Variants in ZNF544 observed in about 807,000 individuals in gnomAD.
ZNF544 encodes the protein zinc finger protein AF020591.
ZNF544 carries 10 observed loss-of-function variants against 13.5 expected under a neutral mutation model. The observed-to-expected ratio is 0.74, with a 90% confidence interval of 0.46 to 1.25. The LOEUF is 1.25. Among genes scored for constraint, ZNF544 ranks in the 50% most tolerant of loss-of-function variants. The probability of loss-of-function intolerance (pLI) is 0.00; values close to 1 mark genes in which losing one functional copy is unlikely to be tolerated. For synonymous variants in ZNF544, 323 were observed against 300.5 expected (o/e 1.07, Z -0.77); for missense variants, 896 against 845.6 (o/e 1.06, Z -0.74).
At chr19:58,234,400 T>G (rs1176399574) in intron 3 of ZNF544, among the ~76,000 whole-genome samples, 1 of 152,358 alleles carries the variant, frequency 6.6e-6, no homozygotes, top group East Asian at 1.9e-4. Context: ...TTGTTGCCTG[T>G]TTGCTCATGT....
At chr19:58,273,472 C>G (rs2050896564) in intron 5 of ZNF544, among the ~76,000 whole-genome samples, 1 of 152,040 alleles carries the variant, frequency 6.6e-6, no homozygotes, top group African/African-American at 2.4e-5. Flanking sequence ...GGGCGGATCA[C>G]CAGGTCAGGA....
At chr19:58,231,742 G>A (rs1174893704) in intron 3 of ZNF544, 1 of 152,116 alleles carries the variant, frequency 6.6e-6, no homozygotes, top group East Asian at 1.9e-4. Flanking sequence ...TGAACTATCT[G>A]TTTGTGACTG....
Position 58,262,004 on chromosome 19 carries a change from C to T in ZNF544, c.1398C>T (p.Cys466=), listed in dbSNP as rs2049062846. 1 of 1,613,482 alleles carries T rather than the reference C, an allele frequency of 6.2e-7. No individual in the cohort carries two copies. The highest frequency in any genetic ancestry group is 8.5e-7 in the Non-Finnish European group (1 of 1,179,910). Residue 466 remains cysteine (C), a synonymous_variant, in exon 7 of 7, where the codon TGC becomes TGT. Coordinates refer to ENST00000687789, the MANE Select transcript of ZNF544 (RefSeq NM_014480.4). ...ATACTGGAGAGAAACCGTATGAGTG[C>T]ACTCACTGTGGAAAGTCCTTCAGCC... is the stretch of plus-strand genomic sequence containing the variant. ...RIHTGEKPYE[C]THCGKSFSQS...
At chr19:58,234,185 G>C (rs894117701) in intron 3 of ZNF544, among the ~76,000 whole-genome samples, 3 of 152,186 alleles carry the variant, frequency 2.0e-5, no homozygotes, top group African/African-American at 4.8e-5. Context: ...ATCTAAACTT[G>C]TATGGGACTT....
chr19:58,229,568 A>G lies in ZNF544; in HGVS notation c.-131A>G, dbSNP rs1308443828. The G allele has an allele frequency of 1.3e-5, 2 of 152,218 alleles. No homozygotes were observed. The highest frequency in any genetic ancestry group is 1.9e-4 in the East Asian group (1 of 5,184). 9.4% of individuals were successfully genotyped at this position (152,218 alleles called of 1,614,324 possible). A position where few individuals can be genotyped will look rare whatever the true frequency, so the allele number is the denominator to read the frequency against. On this transcript the variant is annotated splice_region_variant and 5_prime_UTR_variant, in exon 2 of 7. It removes an upstream start codon present in the reference 5' UTR. Coordinates refer to ENST00000687789, the MANE Select transcript of ZNF544 (RefSeq NM_014480.4). ...CCAGACGTGGACACATTTTCTTCCAATGGTACGTGAAGCTTGAACCTTGCA... is the reference window on the plus strand; with the variant it reads ...CCAGACGTGGACACATTTTCTTCCAGTGGTACGTGAAGCTTGAACCTTGCA...
chr19:58,251,324 A>G (rs776554613), intron 6 of ZNF544: 9 of 518,910 alleles, frequency 1.7e-5, no homozygotes, highest in African/African-American at 1.2e-4. Flanking sequence ...CAGGTCTTTC[A>G]CAAGTCACAG....
intron 3 of ZNF544, among the ~76,000 whole-genome samples, chr19:58,239,858 C>T (rs2043187654): frequency 6.7e-6 from 1 of 150,190 alleles, no homozygotes; most frequent in Admixed American, 6.6e-5. Flanking sequence ...AAGATTGCGC[C>T]ACTACACTCC....
At chr19:58,257,706 A>G (rs11881202) in intron 6 of ZNF544, 97 of 152,218 alleles carry the variant, frequency 6.4e-4, no homozygotes, top group African/African-American at 2.3e-3. Flanking sequence ...CTGCCCCCAG[A>G]CCCTATTCTC....
chr19:58,259,351 C>T (rs1205652130), intron 6 of ZNF544: 1 of 152,180 alleles, frequency 6.6e-6, no homozygotes, highest in Non-Finnish European at 1.5e-5. Context: ...ATTATGAGAT[C>T]CAGAAGTGGA....
intron 3 of ZNF544, among the ~76,000 whole-genome samples, chr19:58,232,668 G>A (rs1186742013): frequency 4.7e-5 from 7 of 150,372 alleles, no homozygotes; most frequent in East Asian, 3.9e-4. Context: ...GGTGGCTCAC[G>A]CCTGTAATCC....
chr19:58,231,554 T>C (rs1308224938), intron 3 of ZNF544, among the ~76,000 whole-genome samples: 3 of 152,182 alleles, frequency 2.0e-5, no homozygotes, highest in Non-Finnish European at 4.4e-5. Context: ...CGGTGTGTTT[T>C]AATTCATGTC....
downstream of ZNF544, among the ~76,000 whole-genome samples, chr19:58,265,439 G>A (rs187679689): frequency 1.6e-3 from 247 of 151,990 alleles, no homozygotes; most frequent in Admixed American, 3.6e-3. Flanking sequence ...GGGACTACAG[G>A]CACCCGTCAC....
In ZNF544 at chr19:58,262,959, G is replaced by C. The variant is rs1489629271; in HGVS notation, c.*205G>C. 6 of 1,370,838 alleles carry C rather than the reference G, an allele frequency of 4.4e-6. No homozygotes were observed. The African/African-American group carries it at 7.3e-5, about 17-fold the overall frequency. 84.9% of individuals were successfully genotyped at this position (1,370,838 alleles called of 1,614,324 possible). ...GCCTTCAATGATCGCTCAACCCTTA[G>C]TAAACACGAGAGGACACACACTGGA... is the stretch of plus-strand genomic sequence containing the variant. On this transcript the variant is annotated 3_prime_UTR_variant, in exon 7 of 7. Transcript: ENST00000687789.
chr19:58,229,284 ACTGGGTGGG>A (rs58662754), intron 1 of ZNF544, 175 bp from the exon 2 acceptor site: 41,127 of 84,356 alleles, frequency 0.49, 6,683 homozygotes, highest in Middle Eastern at 0.61. Flanking sequence ...ACTGGGTGGG[ACTGGGTGGG>A]ACTGGGTGGG....
intron 3 of ZNF544, among the ~76,000 whole-genome samples, chr19:58,231,576 T>A (rs2041232194): frequency 6.6e-6 from 1 of 152,144 alleles, no homozygotes; most frequent in Non-Finnish European, 1.5e-5. Flanking sequence ...TTATTATTTA[T>A]TTTTTTATAA....
chr19:58,236,559 A>C (rs1177567880), intron 3 of ZNF544, among the ~76,000 whole-genome samples: 1 of 151,786 alleles, frequency 6.6e-6, no homozygotes, highest in Non-Finnish European at 1.5e-5. Context: ...CATCATTTTG[A>C]GATATATACT....
chr19:58,234,616 G>A (rs1045408994), intron 3 of ZNF544, among the ~76,000 whole-genome samples: 1 of 152,176 alleles, frequency 6.6e-6, no homozygotes, highest in Non-Finnish European at 1.5e-5. Context: ...GTGTACCTGC[G>A]TGCAGCATTC....
At chr19:58,237,419 A>G (rs577925889) in intron 3 of ZNF544, among the ~76,000 whole-genome samples, 38 of 152,262 alleles carry the variant, frequency 2.5e-4, no homozygotes, top group African/African-American at 8.9e-4. Flanking sequence ...GCCACAAGAC[A>G]CTGAGCCGCT....
rs137905283 is a variant in ZNF544, at chr19:58,261,397, T to C, written c.791T>C (p.Phe264Ser). 98 of 1,614,194 alleles carry C rather than the reference T, an allele frequency of 6.1e-5. No individual in the cohort carries two copies. Among genetic ancestry groups the C allele is most frequent in the Middle Eastern group, 4.9e-4 (3 of 6,062 alleles). Residue 264 changes from phenylalanine to serine, a missense_variant, in exon 7 of 7, where the codon TTT (phenylalanine) becomes TCT (serine). Coordinates refer to ENST00000687789, the MANE Select transcript of ZNF544 (RefSeq NM_014480.4). ...GSSLCFHGRT[F>S]SVKKSDDCKD... ...TCCCTTTGTTTTCATGGTAGAACTT[T>C]TTCAGTGAAGAAAAGTGATGACTGT...
Sources: gnomAD v4.1 joint callset for allele counts (sites outside exome capture counted in the v4.1 genomes callset) on GRCh38, gnomAD v4.1.1 for gene constraint, MANE v1.5 for transcripts, NCBI Gene and HGNC (gene_info 2026-07-23, HGNC 2026-07-21) for gene names.